The following AFF1 variants were observed in gnomAD, a reference collection of about 807,000 sequenced individuals.
The protein encoded by AFF1 is ALF transcription elongation factor 1, also known as AF4/FMR2 family member 1.
A neutral mutation model predicts 121.7 loss-of-function variants in AFF1; 48 were observed. That is an observed-to-expected ratio of 0.39 (90% CI 0.31 to 0.50). The LOEUF (loss-of-function observed/expected upper bound fraction) is 0.50, where lower values mean the gene tolerates loss of function less well. AFF1 is among the 20% of genes least tolerant of loss of function. The pLI, the probability that AFF1 is intolerant of heterozygous loss-of-function variation, is 0.76. For missense variants in AFF1, 1,523 were observed against 1,511.7 expected (o/e 1.01, Z -0.12); for synonymous variants, 613 against 563.0 (o/e 1.09, Z -1.26).
intron 2 of AFF1, among the ~76,000 whole-genome samples, chr4:86,950,560 C>A (rs1721237143): frequency 6.6e-6 from 1 of 152,216 alleles, no homozygotes; most frequent in South Asian, 2.1e-4. Flanking sequence ...GAAATGTAGA[C>A]TCAGACTTAT....
intron 2 of AFF1, among the ~76,000 whole-genome samples, chr4:87,038,282 C>G (rs1729767090): frequency 6.6e-6 from 1 of 152,164 alleles, no homozygotes; most frequent in Non-Finnish European, 1.5e-5. Flanking sequence ...GAGAAAGTCT[C>G]TTACAAATTC....
chr4:87,078,702 AGATGAGCAGCAAATAGTG>A (rs1722902842), intron 4 of AFF1, among the ~76,000 whole-genome samples: 1 of 152,202 alleles, frequency 6.6e-6, no homozygotes, highest in South Asian at 2.1e-4. Context: ...AGTTGGGGGT[AGATGAGCAGCAAATAGTG>A]AAGACTGAAC....
chr4:87,083,714 T>C (rs1723393946), intron 4 of AFF1, among the ~76,000 whole-genome samples: 1 of 152,210 alleles, frequency 6.6e-6, no homozygotes. Flanking sequence ...ATTGTCTCCA[T>C]CATTACTGTG....
At chr4:87,119,285 A>G (rs1343808023) in intron 12 of AFF1, among the ~76,000 whole-genome samples, 1 of 152,134 alleles carries the variant, frequency 6.6e-6, no homozygotes, top group East Asian at 1.9e-4. Context: ...GGAGCCCTCT[A>G]AAAATGTACC....
intron 11 of AFF1, among the ~76,000 whole-genome samples, chr4:87,113,865 C>T (rs1190872811): frequency 2.6e-5 from 4 of 151,864 alleles, no homozygotes; most frequent in Non-Finnish European, 5.9e-5. Flanking sequence ...GACCCTGTCA[C>T]ACACAAAAAA....
At chr4:87,079,768 A>G (rs1231623093) in intron 4 of AFF1, among the ~76,000 whole-genome samples, 1 of 152,222 alleles carries the variant, frequency 6.6e-6, no homozygotes, top group African/African-American at 2.4e-5. Flanking sequence ...CTCCAAAAGC[A>G]TGTCTCCTCG....
chr4:87,072,821 T>C (rs921324269), intron 4 of AFF1, among the ~76,000 whole-genome samples: 4 of 152,216 alleles, frequency 2.6e-5, no homozygotes, highest in African/African-American at 9.6e-5. Context: ...CGTGAGCCAG[T>C]GTACCCAGCC....
chr4:86,986,397 A>G (rs1212190855), intron 2 of AFF1, among the ~76,000 whole-genome samples: 3 of 152,206 alleles, frequency 2.0e-5, no homozygotes, highest in African/African-American at 7.2e-5. Flanking sequence ...AAGTTAAGAT[A>G]TTTTTAAAAA....
At chr4:86,950,868 G>C (rs1721255176) in intron 2 of AFF1, among the ~76,000 whole-genome samples, 1 of 152,188 alleles carries the variant, frequency 6.6e-6, no homozygotes, top group Non-Finnish European at 1.5e-5. Context: ...TAAATGTCTT[G>C]TCCTTTATGG....
chr4:87,091,198 A>T (rs2149715915), intron 6 of AFF1, among the ~76,000 whole-genome samples: 2 of 151,912 alleles, frequency 1.3e-5, no homozygotes, highest in South Asian at 2.1e-4. Context: ...AGGTCAGGAG[A>T]TCAAGACCAT....
At chr4:86,985,875 T>TA in intron 2 of AFF1, among the ~76,000 whole-genome samples, 1 of 151,696 alleles carries the variant, frequency 6.6e-6, no homozygotes, top group African/African-American at 2.4e-5. Flanking sequence ...AAAAAACTAA[T>TA]AAAAAGTGAT....
At chr4:87,016,163 C>G (rs1727277257) in intron 2 of AFF1, among the ~76,000 whole-genome samples, 1 of 150,232 alleles carries the variant, frequency 6.7e-6, no homozygotes, top group Admixed American at 6.6e-5. Context: ...CCTGGGCGAT[C>G]TTTTGGTAGC....
chr4:87,006,861 C>T lies in AFF1; in HGVS notation c.39-39305C>T, dbSNP rs1406118895. On this transcript the variant is annotated intron_variant, in intron 2 of 20. Transcript: ENST00000395146. ...CTGCCCCCTACCCGACCCTGCCTGCCGCTTGCCGCCTGCCTTTGGCTAGGG... is the reference window on the plus strand; with the variant it reads ...CTGCCCCCTACCCGACCCTGCCTGCTGCTTGCCGCCTGCCTTTGGCTAGGG... 5 of 708,726 alleles carry T rather than the reference C, an allele frequency of 7.1e-6. No individual in the cohort carries two copies. In the East Asian group the frequency reaches 4.2e-4, roughly 59 times the overall value. The allele number at this position is 708,726 out of a possible 1,614,324, so 43.9% of individuals were successfully genotyped here.
rs1205480881 is a variant in AFF1 at position 87,125,079 on chromosome 4, G to T, written c.2509G>T (p.Glu837Ter). ...CTGTGATAACAAGAAAATCAGACTG[G>T]AGAAGGAAATCAAATCACAGTCATC... ...RDCDNKKIRL[E>*]KEIKSQSSSS... The change falls in exon 13 of 21, where the codon GAG becomes TAG. Residue 837 changes from glutamate to a stop codon, truncating the protein, a stop_gained. Transcript: ENST00000395146. LOFTEE classifies it high-confidence loss of function. 1 of 1,609,776 alleles carries T rather than the reference G, an allele frequency of 6.2e-7. No individual in the cohort carries two copies. Among genetic ancestry groups the T allele is most frequent in the Non-Finnish European group, 8.5e-7 (1 of 1,177,806 alleles).
chr4:87,029,066 G>A (rs1418849165), intron 2 of AFF1, among the ~76,000 whole-genome samples: 1 of 152,106 alleles, frequency 6.6e-6, no homozygotes, highest in Non-Finnish European at 1.5e-5. Context: ...AATAACCAGG[G>A]GCCCCAGACT....
At position 87,135,602 on chromosome 4, in the gene AFF1, A is replaced by G; in HGVS notation, c.3558A>G (p.Thr1186=). 1 of 1,605,220 alleles carries G rather than the reference A, an allele frequency of 6.2e-7. No individual in the cohort carries two copies. Reference sequence around the variant, plus strand: ...CAGAATTCTTTGCTCGGCTCAGCACAAATGTGTGCACCTTGGCCCTCAACA... The same window carrying G: ...CAGAATTCTTTGCTCGGCTCAGCACGAATGTGTGCACCTTGGCCCTCAACA... ...KNKEFFARLS[T]NVCTLALNSS... The change falls in exon 21 of 21, where the codon ACA becomes ACG. Residue 1186 remains threonine, a synonymous_variant. Transcript: ENST00000395146.
intron 1 of AFF1, among the ~76,000 whole-genome samples, chr4:86,947,466 A>G (rs564562109): frequency 6.6e-6 from 1 of 152,344 alleles, no homozygotes; most frequent in Non-Finnish European, 1.5e-5. Context: ...CCTCTTAAAC[A>G]GAGGCAAGTT....
At chr4:86,983,066 C>G (rs1723905909) in intron 2 of AFF1, among the ~76,000 whole-genome samples, 1 of 151,994 alleles carries the variant, frequency 6.6e-6, no homozygotes, top group South Asian at 2.1e-4. Context: ...GTTTTATAAG[C>G]CTGAGTTAGA....
In AFF1 at chr4:87,047,585, G is replaced by C. The variant is rs778732338; in HGVS notation, c.1050G>C (p.Gln350His). 1.2e-6 allele frequency: 2 copies of C among 1,614,204 alleles called. No individual in the cohort carries two copies. Among genetic ancestry groups the C allele is most frequent in the South Asian group, 2.2e-5 (2 of 91,090 alleles). Residue 350 changes from glutamine (Q) to histidine (H), a missense_variant, in exon 4 of 21, where the codon CAG becomes CAC. Coordinates refer to ENST00000395146, the MANE Select transcript of AFF1 (RefSeq NM_001166693.3). ...AKLTKLKMPS[Q>H]SVEQTYSNEV... ...TCACCAAACTGAAGATGCCTTCTCA[G>C]TCAGTTGAGGTGTGTGGAATTTCTT...
Sources: allele counts gnomAD v4.1 joint callset (sites outside exome capture counted in the v4.1 genomes callset), GRCh38; gene constraint gnomAD v4.1.1; transcripts MANE v1.5; gene names NCBI Gene and HGNC (gene_info 2026-07-23, HGNC 2026-07-21).